CIMIP6: variants seen among roughly 807,000 people sequenced by gnomAD.
CIMIP6 encodes the protein ciliary microtubule inner protein 6.
At chr2:54,335,161 A>G in the CIMIP6 span, 1 of 655,302 alleles carries the variant, frequency 1.5e-6, no homozygotes, top group Non-Finnish European at 2.5e-6. Context: ...TAAAAGCAGT[A>G]ACCTGAAACT....
chr2:54,371,492 G>A, the CIMIP6 span, among the ~76,000 whole-genome samples: 2 of 152,164 alleles, frequency 1.3e-5, no homozygotes, highest in African/African-American at 2.4e-5. Context: ...GATGAGTTTG[G>A]TCCTCAGTTC....
At chr2:54,382,450 C>T in the CIMIP6 span, among the ~76,000 whole-genome samples, 1 of 152,186 alleles carries the variant, frequency 6.6e-6, no homozygotes, top group Non-Finnish European at 1.5e-5. Context: ...GTGGTCCCAG[C>T]ATGCCTTTCC....
the CIMIP6 span, chr2:54,360,314 A>G: frequency 2.1e-4 from 343 of 1,611,256 alleles, 2 homozygotes; most frequent in African/African-American, 3.7e-3. Flanking sequence ...AGAACAGTCC[A>G]AAAAAACAGA....
chr2:54,340,296 G>C, the CIMIP6 span, among the ~76,000 whole-genome samples: 2 of 16,410 alleles, frequency 1.2e-4, 1 homozygote, highest in African/African-American at 3.7e-4. Flanking sequence ...ATAAATAACT[G>C]TGTTAACCCC....
chr2:54,343,733 C>A, the CIMIP6 span: 1 of 1,593,908 alleles, frequency 6.3e-7, no homozygotes, highest in South Asian at 1.2e-5. Flanking sequence ...GACTGGTGGT[C>A]ACATGGTAAA....
the CIMIP6 span, among the ~76,000 whole-genome samples, chr2:54,371,616 A>T: frequency 6.6e-6 from 1 of 152,214 alleles, no homozygotes; most frequent in Admixed American, 6.5e-5. Context: ...CTGCTGTTGC[A>T]GTTCTCCACA....
chr2:54,342,721 GT>G, the CIMIP6 span, among the ~76,000 whole-genome samples: 1 of 151,718 alleles, frequency 6.6e-6, no homozygotes, highest in Non-Finnish European at 1.5e-5. Flanking sequence ...TTGAATCATA[GT>G]TTAGAAGTCT....
At chr2:54,356,498 C>T in the CIMIP6 span, among the ~76,000 whole-genome samples, 1 of 152,164 alleles carries the variant, frequency 6.6e-6, no homozygotes, top group African/African-American at 2.4e-5. Context: ...ACCAACCCTT[C>T]GTACCAGTTC....
chr2:54,361,784 G>A, the CIMIP6 span, among the ~76,000 whole-genome samples: 1 of 152,194 alleles, frequency 6.6e-6, no homozygotes, highest in Non-Finnish European at 1.5e-5. Flanking sequence ...TGAAGACAGG[G>A]AAGGGAGAGG....
the CIMIP6 span, among the ~76,000 whole-genome samples, chr2:54,348,079 AT>A: frequency 6.6e-6 from 1 of 152,150 alleles, no homozygotes; most frequent in African/African-American, 2.4e-5. Flanking sequence ...TGCACATTGA[AT>A]TTGCCATGTT....
At chr2:54,346,731 C>G in the CIMIP6 span, among the ~76,000 whole-genome samples, 1 of 152,244 alleles carries the variant, frequency 6.6e-6, no homozygotes, top group Non-Finnish European at 1.5e-5. Context: ...TCCATCTTCA[C>G]TGTAACCAGT....
At chr2:54,366,943 G>A in the CIMIP6 span, among the ~76,000 whole-genome samples, 1 of 152,040 alleles carries the variant, frequency 6.6e-6, no homozygotes, top group Non-Finnish European at 1.5e-5. Context: ...GAAGTAGATA[G>A]TGTTAATATA....
chr2:54,374,162 C>A, the CIMIP6 span, among the ~76,000 whole-genome samples: 1 of 152,232 alleles, frequency 6.6e-6, no homozygotes, highest in Non-Finnish European at 1.5e-5. Flanking sequence ...TCCTTTCTCT[C>A]TTCTACTCCA....
At chr2:54,379,382 G>GTGGT in the CIMIP6 span, among the ~76,000 whole-genome samples, 6 of 152,268 alleles carry the variant, frequency 3.9e-5, 1 homozygote, top group South Asian at 1.2e-3. Context: ...TTCATAATGT[G>GTGGT]TGGTTATTAG....
Sources: gnomAD v4.1 joint callset for allele counts (sites outside exome capture counted in the v4.1 genomes callset) on GRCh38, gnomAD v4.1.1 for gene constraint, MANE v1.5 for transcripts, NCBI Gene and HGNC (gene_info 2026-07-23, HGNC 2026-07-21) for gene names.